MEI4: variants seen among roughly 807,000 people sequenced by gnomAD.
MEI4 encodes meiotic double-stranded break formation protein 4.
MEI4 carries 27 observed loss-of-function variants against 31.4 expected under a neutral mutation model. That is an observed-to-expected ratio of 0.86 (90% CI 0.63 to 1.19). MEI4 has a LOEUF of 1.19. Among genes scored for constraint, MEI4 ranks in the 50% most tolerant of loss-of-function variants. The pLI, the probability that MEI4 is intolerant of heterozygous loss-of-function variation, is 0.00. For missense variants in MEI4, 329 were observed against 398.9 expected, an observed-to-expected ratio of 0.82 and a Z score of 1.49; for synonymous variants, 122 against 145.4, an observed-to-expected ratio of 0.84 and a Z score of 1.16.
In MEI4 at chr6:77,917,363, T is replaced by G. The variant is rs1490405061; in HGVS notation, c.901-5726T>G. On this transcript the variant is annotated intron_variant, in intron 4 of 4. Coordinates refer to ENST00000684080, the MANE Select transcript of MEI4 (RefSeq NM_001322247.2). ...ATCGCCACACTGACTTCCACAATGG[T>G]TGTACTAGTTTACAGTCCCACCAAC... 3.3e-5 allele frequency among the ~76,000 whole-genome samples: 5 copies of G among 151,068 alleles called. No individual in the cohort carries two copies. The East Asian group carries it at 9.9e-4, about 30-fold the overall frequency.
intron 2 of MEI4, among the ~76,000 whole-genome samples, chr6:77,698,443 G>A (rs1455377638): frequency 6.6e-6 from 1 of 152,166 alleles, no homozygotes; most frequent in African/African-American, 2.4e-5. Flanking sequence ...TCCTTCAGGA[G>A]CTCTTTTAGG....
intron 4 of MEI4, among the ~76,000 whole-genome samples, chr6:77,835,253 G>A (rs1770185998): frequency 6.6e-6 from 1 of 150,870 alleles, no homozygotes; most frequent in Non-Finnish European, 1.5e-5. Flanking sequence ...CCAGCTACTT[G>A]GGAGGCTGAG....
intron 4 of MEI4, among the ~76,000 whole-genome samples, chr6:77,849,847 A>C (rs569435670): frequency 6.6e-6 from 1 of 152,300 alleles, no homozygotes; most frequent in Non-Finnish European, 1.5e-5. Context: ...TACTTTATAC[A>C]ATATTTTGTT....
Position 77,735,061 on chromosome 6 carries a change from C to G in MEI4, c.233-26069C>G, listed in dbSNP as rs182998783. Among the ~76,000 whole-genome samples, 515 of 152,106 alleles carry G rather than the reference C, an allele frequency of 3.4e-3. 7 individuals are homozygous for G. Among genetic ancestry groups the G allele is most frequent in the African/African-American group, 0.012 (502 of 41,408 alleles). On this transcript the variant is annotated intron_variant, in intron 2 of 4. Coordinates refer to ENST00000684080, the MANE Select transcript of MEI4 (RefSeq NM_001322247.2). ...AACCGTACCTTTCTCTCTGGCTGCC[C>G]TTAACGTTTTTTCCTTCATTTCTAC...
chr6:77,756,377 G>A (rs2127680389), intron 2 of MEI4, among the ~76,000 whole-genome samples: 1 of 152,052 alleles, frequency 6.6e-6, no homozygotes, highest in African/African-American at 2.4e-5. Context: ...ACCTTATTAG[G>A]GAGTGAGTGG....
In MEI4 at chr6:77,716,831, T is replaced by C. The variant is rs1172738524; in HGVS notation, c.232+25928T>C. The C allele has an allele frequency of 7.2e-6, 7 of 976,244 alleles. No homozygotes were observed. The Admixed American group carries it at 1.8e-4, about 26-fold the overall frequency. 60.5% of individuals were successfully genotyped at this position (976,244 alleles called of 1,614,324 possible). On this transcript the variant is annotated intron_variant, in intron 2 of 4. Coordinates refer to ENST00000684080, the MANE Select transcript of MEI4 (RefSeq NM_001322247.2). ...GTGGAAGTTGAACAAGGAGAATATT[T>C]TCAGAATGAGGAAACAGATGAGATG...
chr6:77,758,433 T>C (rs535853951), intron 2 of MEI4, among the ~76,000 whole-genome samples: 4 of 152,270 alleles, frequency 2.6e-5, no homozygotes, highest in Non-Finnish European at 5.9e-5. Context: ...TTCCTTTTTT[T>C]CTGAAGGACA....
rs190932454 is a variant in MEI4, at chr6:77,868,227, A to T, written c.900+39165A>T. Among the ~76,000 whole-genome samples, 237 of 110,478 alleles carry T rather than the reference A, an allele frequency of 2.1e-3. 1 individual carries two copies. The highest frequency in any genetic ancestry group is 0.01 in the African/African-American group (217 of 21,348). 72.5% of individuals were successfully genotyped at this position (110,478 alleles called of 152,430 possible). A position where few individuals can be genotyped will look rare whatever the true frequency, so the allele number is the denominator to read the frequency against. ...TAAAGCATAATAATAAAAAAAAATTAAAAAAAATTAAAAGCAAAAAAAAAT... is the reference window on the plus strand; with the variant it reads ...TAAAGCATAATAATAAAAAAAAATTTAAAAAAATTAAAAGCAAAAAAAAAT... On this transcript the variant is annotated intron_variant, in intron 4 of 4. Transcript: ENST00000684080.
At chr6:77,652,311 G>A (rs1193256256), upstream of MEI4, among the ~76,000 whole-genome samples, 2 of 152,206 alleles carry the variant, frequency 1.3e-5, no homozygotes. Context: ...AAGTCAGAGA[G>A]CAAAGTGTTT....
intron 4 of MEI4, among the ~76,000 whole-genome samples, chr6:77,910,417 A>G (rs992865117): frequency 3.3e-5 from 5 of 151,872 alleles, no homozygotes; most frequent in African/African-American, 1.2e-4. Context: ...ACCAATAACA[A>G]ACAGAGAGCC....
intron 2 of MEI4, among the ~76,000 whole-genome samples, chr6:77,708,443 C>G (rs530312434): frequency 6.6e-6 from 1 of 152,260 alleles, no homozygotes; most frequent in Non-Finnish European, 1.5e-5. Flanking sequence ...TGTCTTGAGT[C>G]TCAGATGAGA....
chr6:77,776,169 T>TG (rs201511680), intron 3 of MEI4, among the ~76,000 whole-genome samples: 6 of 100,796 alleles, frequency 6.0e-5, no homozygotes, highest in African/African-American at 2.1e-4. Context: ...TTTTTTTTGT[T>TG]TTTGTTTTTG....
At chr6:77,734,651 T>G (rs1198116541) in intron 2 of MEI4, among the ~76,000 whole-genome samples, 1 of 152,056 alleles carries the variant, frequency 6.6e-6, no homozygotes, top group East Asian at 1.9e-4. Context: ...AAAGTTAATA[T>G]TATTATGTGT....
chr6:77,916,920 C>G (rs1045922996), intron 4 of MEI4, among the ~76,000 whole-genome samples: 6 of 148,836 alleles, frequency 4.0e-5, no homozygotes, highest in Admixed American at 1.4e-4. Flanking sequence ...CCCTCCCCCC[C>G]TACCCCCACC....
chr6:77,761,418 C>G lies in MEI4; in HGVS notation c.521C>G (p.Thr174Ser), dbSNP rs1379374248. 8.1e-7 allele frequency: 1 copy of G among 1,231,966 alleles called. No individual in the cohort carries two copies. Among genetic ancestry groups the G allele is most frequent in the African/African-American group, 1.6e-5 (1 of 64,420 alleles). 76.3% of individuals were successfully genotyped at this position (1,231,966 alleles called of 1,614,324 possible). ...TESGNLKRDL[T>S]HFEKDSSTVS... Reference sequence around the variant, plus strand: ...TCAGGTAATCTTAAAAGAGACTTAACCCACTTTGAAAAAGACTCTTCCACA... The same window carrying G: ...TCAGGTAATCTTAAAAGAGACTTAAGCCACTTTGAAAAAGACTCTTCCACA... Residue 174 changes from threonine to serine, a missense_variant, in exon 3 of 5, where the codon ACC becomes AGC. Transcript: ENST00000684080.
At chr6:77,779,764 C>G (rs1768546591) in intron 3 of MEI4, among the ~76,000 whole-genome samples, 1 of 152,100 alleles carries the variant, frequency 6.6e-6, no homozygotes, top group Non-Finnish European at 1.5e-5. Context: ...TTTGGAAACT[C>G]TTAGAAACAG....
At chr6:77,739,809 C>T (rs1054308785) in intron 2 of MEI4, among the ~76,000 whole-genome samples, 1 of 151,318 alleles carries the variant, frequency 6.6e-6, no homozygotes, top group East Asian at 1.9e-4. Flanking sequence ...TTTAGTTCAG[C>T]TTTGATTTTG....
rs1467900046 is a variant in MEI4, at chr6:77,926,997, G to C, written c.*3651G>C. 2 of 151,778 alleles carry C rather than the reference G, an allele frequency of 1.3e-5. No homozygotes were observed. Among genetic ancestry groups the C allele is most frequent in the Non-Finnish European group, 2.9e-5 (2 of 67,866 alleles). 9.4% of individuals were successfully genotyped at this position (151,778 alleles called of 1,614,324 possible). ...TTGTAAGAACTTTCTAAATATTACA[G>C]AGTATTACAAACATAAAAAATAAAC... is the stretch of plus-strand genomic sequence containing the variant. On this transcript the variant is annotated 3_prime_UTR_variant, in exon 5 of 5. Transcript: ENST00000684080.
chr6:77,846,986 T>G (rs1562010479), intron 4 of MEI4, among the ~76,000 whole-genome samples: 1 of 152,172 alleles, frequency 6.6e-6, no homozygotes, highest in Non-Finnish European at 1.5e-5. Context: ...CCGTCATAGA[T>G]TCTTTCATTG....
Sources: allele counts gnomAD v4.1 joint callset (sites outside exome capture counted in the v4.1 genomes callset), GRCh38; gene constraint gnomAD v4.1.1; transcripts MANE v1.5; gene names NCBI Gene and HGNC (gene_info 2026-07-23, HGNC 2026-07-21).